The following ST7L variants were observed in gnomAD, a reference collection of about 807,000 sequenced individuals.
ST7L encodes suppression of tumorigenicity 7 like, also known as suppressor of tumorigenicity 7 protein-like.
A neutral mutation model predicts 72.5 loss-of-function variants in ST7L; 57 were observed. The ratio of observed to expected loss-of-function variants is 0.79; its 90% CI spans 0.64 to 0.98. The LOEUF (loss-of-function observed/expected upper bound fraction) is 0.98. Ranked by LOEUF, ST7L falls within the 50% of genes least tolerant of loss-of-function variation. ST7L has a pLI of 0.00. For synonymous variants in ST7L, 221 were observed against 240.9 expected, an observed-to-expected ratio of 0.92 and a Z score of 0.77; for missense variants, 576 against 672.2, an observed-to-expected ratio of 0.86 and a Z score of 1.58.
chr1:112,546,878 A>G (rs1219700255), intron 13 of ST7L, among the ~76,000 whole-genome samples: 1 of 151,838 alleles, frequency 6.6e-6, no homozygotes, highest in Non-Finnish European at 1.5e-5. Context: ...TATATTATTT[A>G]GAGAGAGGAA....
At chr1:112,560,286 C>A (rs979518487) in intron 11 of ST7L, among the ~76,000 whole-genome samples, 1 of 151,868 alleles carries the variant, frequency 6.6e-6, no homozygotes, top group South Asian at 2.1e-4. Context: ...CCCAGCTATT[C>A]GGGAGGCTGA....
intron 7 of ST7L, among the ~76,000 whole-genome samples, chr1:112,583,214 G>C (rs1664387069): frequency 6.6e-6 from 1 of 152,114 alleles, no homozygotes; most frequent in African/African-American, 2.4e-5. Context: ...CATAAAAAAA[G>C]ATTTAGAACT....
At chr1:112,576,254 T>A (rs546324560) in intron 11 of ST7L, among the ~76,000 whole-genome samples, 1 of 152,208 alleles carries the variant, frequency 6.6e-6, no homozygotes, top group Admixed American at 6.5e-5. Context: ...CACACTCAGA[T>A]AATTTTTATA....
At chr1:112,520,332 C>T (rs1309578696), downstream of ST7L, 6 of 1,614,174 alleles carry the variant, frequency 3.7e-6, no homozygotes, top group African/African-American at 2.7e-5. Flanking sequence ...AAGGAACAGA[C>T]GGTTGTGAAA....
At chr1:112,584,365 A>AC (rs1294060362) in intron 6 of ST7L, among the ~76,000 whole-genome samples, 8 of 152,128 alleles carry the variant, frequency 5.3e-5, no homozygotes, top group Non-Finnish European at 1.5e-5. Context: ...TAAAAAAAAA[A>AC]AACAAAATTT....
chr1:112,539,904 T>C, intron 14 of ST7L: 1 of 985,414 alleles, frequency 1.0e-6, no homozygotes, highest in Non-Finnish European at 1.2e-6. Flanking sequence ...TACCATCACC[T>C]ATACAGATAC....
chr1:112,604,221 A>C (rs1422237818), intron 3 of ST7L, among the ~76,000 whole-genome samples: 1 of 152,154 alleles, frequency 6.6e-6, no homozygotes, highest in Non-Finnish European at 1.5e-5. Context: ...AGGCACAAGA[A>C]TTGCTTGAAC....
chr1:112,548,685 C>T (rs1026857868), intron 13 of ST7L, among the ~76,000 whole-genome samples: 8 of 152,198 alleles, frequency 5.3e-5, no homozygotes, highest in African/African-American at 1.9e-4. Context: ...AAAACATGGT[C>T]CTAGTGTTTA....
intron 2 of ST7L, among the ~76,000 whole-genome samples, chr1:112,615,011 G>C (rs543403520): frequency 3.3e-5 from 5 of 152,112 alleles, no homozygotes; most frequent in African/African-American, 1.2e-4. Flanking sequence ...TGTTGTTTTT[G>C]TTTTTTGAAA....
chr1:112,583,276 C>T (rs1427101349), intron 7 of ST7L, among the ~76,000 whole-genome samples: 2 of 152,152 alleles, frequency 1.3e-5, no homozygotes, highest in South Asian at 2.1e-4. Flanking sequence ...TTATTACCCA[C>T]TATTTGCCAA....
At chr1:112,551,250 G>A (rs1263473331) in intron 12 of ST7L, among the ~76,000 whole-genome samples, 3 of 143,172 alleles carry the variant, frequency 2.1e-5, no homozygotes, top group African/African-American at 5.2e-5. Context: ...CTGGGTTCAC[G>A]CCATTCTCCT....
intron 14 of ST7L, among the ~76,000 whole-genome samples, chr1:112,535,385 T>C (rs1329618787): frequency 6.9e-6 from 1 of 143,910 alleles, no homozygotes; most frequent in Non-Finnish European, 1.5e-5. Flanking sequence ...ATAATAATAC[T>C]AATAATAATA....
At chr1:112,588,698 G>C (rs1369518062) in intron 6 of ST7L, among the ~76,000 whole-genome samples, 1 of 152,138 alleles carries the variant, frequency 6.6e-6, no homozygotes, top group Non-Finnish European at 1.5e-5. Flanking sequence ...TACATTGACT[G>C]ATTTTCGTAT....
intron 2 of ST7L, among the ~76,000 whole-genome samples, chr1:112,613,589 C>T (rs1194501443): frequency 2.0e-5 from 3 of 152,122 alleles, no homozygotes; most frequent in Non-Finnish European, 4.4e-5. Flanking sequence ...AACACAACAA[C>T]CTTTGCTAAT....
In ST7L at chr1:112,542,101, G is replaced by A. The variant is rs1379921581; in HGVS notation, c.1490-11C>T. On this transcript the variant is annotated splice_polypyrimidine_tract_variant and intron_variant, in intron 13 of 14. Transcript: ENST00000358039. ...AAACATGATGAAAGGCTGCAATGGA[G>A]AATAGGTAAGAATCAATTTTATTTC... is the stretch of plus-strand genomic sequence containing the variant. The A allele has an allele frequency of 4.4e-6, 7 of 1,577,056 alleles. No individual in the cohort carries two copies. The Admixed American group carries it at 1.3e-4, about 30-fold the overall frequency.
chr1:112,547,610 G>T (rs1353810728), intron 13 of ST7L, among the ~76,000 whole-genome samples: 1 of 95,732 alleles, frequency 1.0e-5, no homozygotes, highest in African/African-American at 4.1e-5. Flanking sequence ...TTACTCTGTT[G>T]CCCAGGCTGG....
At chr1:112,604,424 G>A (rs1171324643) in intron 3 of ST7L, among the ~76,000 whole-genome samples, 1 of 152,058 alleles carries the variant, frequency 6.6e-6, no homozygotes, top group African/African-American at 2.4e-5. Flanking sequence ...ATCAGACATA[G>A]GAGAGGCTCA....
At chr1:112,579,749 T>C (rs1663795866) in intron 9 of ST7L, among the ~76,000 whole-genome samples, 1 of 152,216 alleles carries the variant, frequency 6.6e-6, no homozygotes, top group African/African-American at 2.4e-5. Flanking sequence ...GTAAATTTGC[T>C]TTCAACTTCC....
chr1:112,549,405 G>A (rs1264366184), intron 13 of ST7L, among the ~76,000 whole-genome samples: 1 of 151,972 alleles, frequency 6.6e-6, no homozygotes, highest in Non-Finnish European at 1.5e-5. Context: ...AAATAAATAA[G>A]TAAATAAAAT....
Sources: gnomAD v4.1 joint callset for allele counts (sites outside exome capture counted in the v4.1 genomes callset) on GRCh38, gnomAD v4.1.1 for gene constraint, MANE v1.5 for transcripts, NCBI Gene and HGNC (gene_info 2026-07-23, HGNC 2026-07-21) for gene names.